Variants in UGGT2 observed in about 807,000 individuals in gnomAD.
The protein encoded by UGGT2 is UDP-glucose glycoprotein glucosyltransferase 2, also known as UDP-glucose:glycoprotein glucosyltransferase 2.
In UGGT2, 180 loss-of-function variants were observed where a neutral mutation model predicts 192.1. The observed-to-expected ratio is 0.94, with a 90% CI of 0.83 to 1.06. UGGT2 has a LOEUF of 1.06. Ranked by LOEUF, UGGT2 falls within the 50% of genes least tolerant of loss-of-function variation. The pLI, the probability that UGGT2 is intolerant of heterozygous loss-of-function variation, is 0.00. For synonymous variants in UGGT2, 580 were observed against 591.0 expected, an observed-to-expected ratio of 0.98 and a Z score of 0.27; for missense variants, 1,849 against 1,795.7, an observed-to-expected ratio of 1.03 and a Z score of -0.54.
intron 36 of UGGT2, among the ~76,000 whole-genome samples, chr13:95,843,531 A>G (rs1471575141): frequency 6.6e-6 from 1 of 152,162 alleles, no homozygotes; most frequent in East Asian, 1.9e-4. Flanking sequence ...TTTTAGTATC[A>G]TACCTAAAAA....
chr13:95,906,806 G>A (rs1472999786), intron 20 of UGGT2, among the ~76,000 whole-genome samples: 1 of 152,166 alleles, frequency 6.6e-6, no homozygotes, highest in Admixed American at 6.6e-5. Context: ...AATCAGATGG[G>A]GGCGTTCCAA....
At chr13:95,999,810 TTTTC>T (rs773041735) in intron 5 of UGGT2, among the ~76,000 whole-genome samples, 1 of 152,106 alleles carries the variant, frequency 6.6e-6, no homozygotes, top group Non-Finnish European at 1.5e-5. Context: ...CTGATAAAAG[TTTTC>T]TTTGTTTCTC....
intron 4 of UGGT2, among the ~76,000 whole-genome samples, chr13:96,018,973 C>T (rs2052426122): frequency 6.6e-6 from 1 of 150,794 alleles, no homozygotes; most frequent in South Asian, 2.1e-4. Flanking sequence ...ATTTATATTA[C>T]TATACATAAC....
intron 1 of UGGT2, among the ~76,000 whole-genome samples, chr13:96,043,040 T>C (rs1186477971): frequency 6.6e-6 from 1 of 152,050 alleles, no homozygotes; most frequent in Non-Finnish European, 1.5e-5. Context: ...CACAAAAAGA[T>C]CATTGCCTAG....
chr13:95,988,131 G>T (rs906690989), intron 8 of UGGT2, among the ~76,000 whole-genome samples: 13 of 152,026 alleles, frequency 8.6e-5, no homozygotes, highest in African/African-American at 3.1e-4. Flanking sequence ...ATTAGGGGTA[G>T]AAAATGTTTC....
At chr13:96,018,339 G>A (rs2052402866) in intron 4 of UGGT2, among the ~76,000 whole-genome samples, 1 of 151,918 alleles carries the variant, frequency 6.6e-6, no homozygotes, top group Non-Finnish European at 1.5e-5. Context: ...AACATAGCAA[G>A]ACCCCGTCTC....
At chr13:95,954,088 T>TA (rs1182020340) in intron 12 of UGGT2, among the ~76,000 whole-genome samples, 1 of 152,202 alleles carries the variant, frequency 6.6e-6, no homozygotes, top group Non-Finnish European at 1.5e-5. Context: ...CCACACCTGA[T>TA]ACCTTTGTTT....
At chr13:95,912,094 A>G (rs554071829) in intron 20 of UGGT2, among the ~76,000 whole-genome samples, 8 of 152,314 alleles carry the variant, frequency 5.3e-5, no homozygotes, top group African/African-American at 1.9e-4. Flanking sequence ...TCTCAAAATA[A>G]TAAGAGCTAT....
intron 32 of UGGT2, chr13:95,859,979 C>T (rs1020350042): frequency 5.4e-6 from 1 of 186,130 alleles, no homozygotes; most frequent in African/African-American, 2.4e-5. Context: ...CACCTGGGCC[C>T]AGCTGTCCAT....
chr13:95,804,152 C>A (rs1884196346), intron 38 of UGGT2, among the ~76,000 whole-genome samples: 2 of 151,810 alleles, frequency 1.3e-5, no homozygotes, highest in African/African-American at 4.8e-5. Flanking sequence ...AAAAGATAAA[C>A]AAGAGAAAAT....
chr13:95,857,600 T>C (rs558230906), intron 33 of UGGT2, among the ~76,000 whole-genome samples: 28 of 152,288 alleles, frequency 1.8e-4, no homozygotes, highest in Non-Finnish European at 3.2e-4. Context: ...GCGGCTTCTG[T>C]ATCTGGCTGC....
chr13:96,028,900 C>T (rs913288551), intron 2 of UGGT2, among the ~76,000 whole-genome samples: 6 of 152,094 alleles, frequency 3.9e-5, no homozygotes, highest in African/African-American at 1.2e-4. Flanking sequence ...AATCCCAGAA[C>T]TTTGGGAGGC....
chr13:95,927,873 G>A (rs975025319), intron 17 of UGGT2, among the ~76,000 whole-genome samples: 3 of 152,062 alleles, frequency 2.0e-5, no homozygotes, highest in South Asian at 2.1e-4. Context: ...GACTCTTAAC[G>A]AACATGCTGC....
chr13:95,990,181 T>C, intron 7 of UGGT2, 108 bp from the exon 8 acceptor site: 1 of 555,586 alleles, frequency 1.8e-6, no homozygotes, highest in African/African-American at 1.9e-5. Context: ...CATAAATGAA[T>C]CATTCATCAT....
intron 38 of UGGT2, among the ~76,000 whole-genome samples, chr13:95,814,854 A>G (rs906129959): frequency 3.3e-5 from 5 of 152,206 alleles, no homozygotes; most frequent in Non-Finnish European, 5.9e-5. Flanking sequence ...AATTAAAACC[A>G]GCAATATATA....
intron 34 of UGGT2, among the ~76,000 whole-genome samples, chr13:95,854,998 G>T (rs1027004104): frequency 6.7e-6 from 1 of 148,882 alleles, no homozygotes; most frequent in Non-Finnish European, 1.5e-5. Context: ...TTGAAAGAAA[G>T]GTAGGAGAAA....
At chr13:95,989,938 A>C in intron 8 of UGGT2, 35 bp downstream of exon 8, 1 of 1,441,616 alleles carries the variant, frequency 6.9e-7, no homozygotes, top group Non-Finnish European at 9.5e-7. Context: ...ATCAGTTACC[A>C]AAATGCTGTG....
intron 33 of UGGT2, among the ~76,000 whole-genome samples, chr13:95,859,018 T>A (rs2140070671): frequency 6.6e-6 from 1 of 152,286 alleles, no homozygotes; most frequent in Admixed American, 6.5e-5. Flanking sequence ...CGGAATTTGA[T>A]TATGCTGTAG....
At chr13:96,037,065 T>A (rs564866103) in intron 1 of UGGT2, among the ~76,000 whole-genome samples, 16 of 152,372 alleles carry the variant, frequency 1.1e-4, no homozygotes, top group Non-Finnish European at 2.2e-4. Context: ...AAGGGTGTTT[T>A]TATACGCACT....
Sources: gnomAD v4.1 joint callset for allele counts (sites outside exome capture counted in the v4.1 genomes callset) on GRCh38, gnomAD v4.1.1 for gene constraint, MANE v1.5 for transcripts, NCBI Gene and HGNC (gene_info 2026-07-23, HGNC 2026-07-21) for gene names.